Variants in SOX30 observed in about 807,000 individuals in gnomAD.
SOX30 encodes transcription factor SOX-30.
SOX30 carries 17 observed loss-of-function variants against 58.6 expected under a neutral mutation model. The observed-to-expected ratio is 0.29, with a 90% CI of 0.20 to 0.44. The LOEUF (loss-of-function observed/expected upper bound fraction) is 0.44, where lower values mean the gene tolerates loss of function less well. SOX30 is among the 20% of genes least tolerant of loss of function. The pLI is 1.00. For synonymous variants in SOX30, 421 were observed against 400.2 expected, an observed-to-expected ratio of 1.05 and a Z score of -0.62; for missense variants, 951 against 965.8, an observed-to-expected ratio of 0.98 and a Z score of 0.20.
intron 4 of SOX30, among the ~76,000 whole-genome samples, chr5:157,628,127 C>T (rs552717548): frequency 1.3e-5 from 2 of 151,870 alleles, no homozygotes; most frequent in East Asian, 3.9e-4. Context: ...CCAGCCTGGG[C>T]AATATAGTGA....
rs1409099272 is a variant in SOX30 at position 157,626,503 on chromosome 5, T to C, written c.2099A>G (p.His700Arg). The change falls in exon 5 of 5, where the codon CAT (histidine) becomes CGT (arginine). Residue 700 changes from histidine to arginine, a missense_variant. Transcript: ENST00000265007. ...TAAGTTTTCTTCCCCACTGTGGCTA[T>C]GACTGTTATAGTAAGAAGTTCCATT... Reference protein sequence around the residue: ...NMNGTSYYNSHSHSGEENLNP... With the variant: ...NMNGTSYYNSRSHSGEENLNP... The C allele has an allele frequency of 1.9e-6, 3 of 1,614,252 alleles. No individual in the cohort carries two copies. The highest frequency in any genetic ancestry group is 1.3e-5 in the African/African-American group (1 of 75,064).
At position 157,651,933 on chromosome 5, in the gene SOX30, G is replaced by T. The variant is rs748881474; in HGVS notation, c.146C>A (p.Ala49Glu). The change falls in exon 1 of 5, where the codon GCG (alanine) becomes GAG (glutamate). Residue 49 changes from alanine (A) to glutamate (E), a missense_variant. Ala to Glu is a moderately radical substitution (Grantham distance 107, BLOSUM62 -1). Coordinates refer to ENST00000265007, the MANE Select transcript of SOX30 (RefSeq NM_178424.2). ...SSPTLSAAASATLASSCGEAV... is the reference protein window; with the variant it reads ...SSPTLSAAASETLASSCGEAV... ...CTCCCCGCACGACGAGGCCAAGGTC[G>T]CACTGGCTGCCGCGCTCAGTGTGGG... 1 of 1,498,124 alleles carries T rather than the reference G, an allele frequency of 6.7e-7. No homozygotes were observed. Among genetic ancestry groups the T allele is most frequent in the Non-Finnish European group, 8.9e-7 (1 of 1,128,466 alleles). 92.8% of individuals were successfully genotyped at this position (1,498,124 alleles called of 1,614,324 possible). A position where few individuals can be genotyped will look rare whatever the true frequency, so the allele number is the denominator to read the frequency against.
rs1290147366 is a variant in SOX30, at chr5:157,651,464, T to C, written c.615A>G (p.Ala205=). 2.3e-5 allele frequency: 37 copies of C among 1,613,376 alleles called. No homozygotes were observed. Among genetic ancestry groups the C allele is most frequent in the Non-Finnish European group, 3.0e-5 (35 of 1,180,020 alleles). Reference sequence around the variant, plus strand: ...TTTTGATCACACCTTCTCGGATGGCTGCCGGGCTTTTGCCTGCCCCGCCTT... The same window carrying C: ...TTTTGATCACACCTTCTCGGATGGCCGCCGGGCTTTTGCCTGCCCCGCCTT... ...SMQGGAGKSP[A]AIREGVIKTE... is the part of the protein sequence containing the mutation. The change falls in exon 1 of 5, where the codon GCA becomes GCG. Residue 205 remains alanine, a synonymous_variant. Coordinates refer to ENST00000265007, the MANE Select transcript of SOX30 (RefSeq NM_178424.2).
exon 1 of SOX30, chr5:157,671,425 C>A (rs1759785278): frequency 3.4e-6 from 2 of 589,078 alleles, no homozygotes; most frequent in Non-Finnish European, 3.1e-6. Context: ...CGTCCGTGGC[C>A]GCCGGACTCT....
At chr5:157,627,278 G>T (rs1311021673) in intron 4 of SOX30, among the ~76,000 whole-genome samples, 1 of 152,080 alleles carries the variant, frequency 6.6e-6, no homozygotes, top group Non-Finnish European at 1.5e-5. Flanking sequence ...CAGGAGGATC[G>T]CTTGAACCCA....
rs553517558 is a variant in SOX30 at position 157,643,502 on chromosome 5, G to A, written c.1387+3135C>T. On this transcript the variant is annotated intron_variant, in intron 3 of 4. Coordinates refer to ENST00000265007, the MANE Select transcript of SOX30 (RefSeq NM_178424.2). ...ACTGAGAAAATTTTAGACAAAGTAG[G>A]TACAAATGGCTTCTGCCAGAGATTT... is the stretch of plus-strand genomic sequence containing the variant. Among the ~76,000 whole-genome samples the A allele has an allele frequency of 2.6e-4, 40 of 152,056 alleles. No homozygotes were observed. The South Asian group carries it at 6.7e-3, about 25-fold the overall frequency.
intron 4 of SOX30, among the ~76,000 whole-genome samples, chr5:157,637,856 G>C (rs1315852355): frequency 6.6e-6 from 1 of 152,056 alleles, no homozygotes; most frequent in South Asian, 2.1e-4. Context: ...ACCACGCCTG[G>C]CTAATTTTTG....
chr5:157,633,947 T>C (rs1456920413), intron 4 of SOX30, among the ~76,000 whole-genome samples: 1 of 152,162 alleles, frequency 6.6e-6, no homozygotes, highest in Non-Finnish European at 1.5e-5. Context: ...AAGCCCAATA[T>C]ACTGCAAGAA....
chr5:157,628,730 C>T (rs1383353818), intron 4 of SOX30, among the ~76,000 whole-genome samples: 3 of 151,730 alleles, frequency 2.0e-5, no homozygotes, highest in Non-Finnish European at 4.4e-5. Flanking sequence ...CAACCTCCGC[C>T]TCCCAGGTTC....
At chr5:157,668,509 A>AATCCATCCATCCATCCACTC (rs1201421612) in intron 1 of SOX30, among the ~76,000 whole-genome samples, 137 of 151,956 alleles carry the variant, frequency 9.0e-4, no homozygotes, top group African/African-American at 3.0e-3. Flanking sequence ...TTCACTCACC[A>AATCCATCCATCCATCCACTC]ATCCATCCAT....
upstream of SOX30, among the ~76,000 whole-genome samples, chr5:157,657,438 T>C (rs1375174392): frequency 2.0e-5 from 3 of 152,210 alleles, no homozygotes; most frequent in Non-Finnish European, 4.4e-5. Flanking sequence ...TGTAGAACTC[T>C]AACAGGTGTT....
chr5:157,665,641 C>T (rs888426664), intron 2 of SOX30, among the ~76,000 whole-genome samples: 2 of 146,828 alleles, frequency 1.4e-5, no homozygotes, highest in Non-Finnish European at 3.0e-5. Flanking sequence ...TTTAAATATA[C>T]ATTTATTTTA....
intron 4 of SOX30, among the ~76,000 whole-genome samples, chr5:157,636,295 A>G (rs1446281531): frequency 1.3e-5 from 2 of 152,192 alleles, no homozygotes; most frequent in Non-Finnish European, 2.9e-5. Context: ...TATAGGCCTC[A>G]AGATTCTAAC....
At chr5:157,628,373 A>ACACT (rs1758711438) in intron 4 of SOX30, among the ~76,000 whole-genome samples, 1 of 109,258 alleles carries the variant, frequency 9.2e-6, no homozygotes, top group Non-Finnish European at 1.9e-5. Flanking sequence ...CTTCACACAC[A>ACACT]CACACACACA....
intron 2 of SOX30, among the ~76,000 whole-genome samples, chr5:157,660,573 G>A (rs533138218): frequency 6.6e-6 from 1 of 151,956 alleles, no homozygotes; most frequent in Non-Finnish European, 1.5e-5. Flanking sequence ...TTGGTTTACA[G>A]TATCTCTTTT....
chr5:157,669,081 C>G (rs149948136), intron 1 of SOX30, among the ~76,000 whole-genome samples: 164 of 152,276 alleles, frequency 1.1e-3, no homozygotes, highest in African/African-American at 3.8e-3. Context: ...GGCTGCTAGA[C>G]TAGGGCAGAT....
In SOX30 at chr5:157,626,249, C is replaced by G; in HGVS notation, c.*91G>C. The G allele has an allele frequency of 8.1e-7, 1 of 1,229,514 alleles. No homozygotes were observed. Among genetic ancestry groups the G allele is most frequent in the Non-Finnish European group, 1.1e-6 (1 of 912,102 alleles). The allele number at this position is 1,229,514 out of a possible 1,614,324, so 76.2% of individuals were successfully genotyped here. On this transcript the variant is annotated 3_prime_UTR_variant, in exon 5 of 5. Coordinates refer to ENST00000265007, the MANE Select transcript of SOX30 (RefSeq NM_178424.2). ...TCAAATCACGACTGAAAACTTTCAACAAAGAATTCTAGGCTTTTTTTTTTC... is the reference window on the plus strand; with the variant it reads ...TCAAATCACGACTGAAAACTTTCAAGAAAGAATTCTAGGCTTTTTTTTTTC...
Position 157,646,878 on chromosome 5 carries a change from C to T in SOX30, c.1208-62G>A. The T allele has an allele frequency of 3.2e-6, 4 of 1,259,824 alleles. No homozygotes were observed. In the East Asian group the frequency reaches 7.0e-5, roughly 22 times the overall value. The allele number at this position is 1,259,824 out of a possible 1,614,324, so 78.0% of individuals were successfully genotyped here. ...CATTTAGCCTTTAAATAATTTTTTT[C>T]ATACTAAAATGCAAAGCACTTTAAA... On this transcript the variant is annotated intron_variant, in intron 2 of 4. Transcript: ENST00000265007.
chr5:157,647,352 G>A (rs891087679), intron 2 of SOX30, among the ~76,000 whole-genome samples: 18 of 152,046 alleles, frequency 1.2e-4, no homozygotes, highest in Non-Finnish European at 2.1e-4. Context: ...GAGCCACTGC[G>A]CCTGGCCAAG....
Sources: allele counts gnomAD v4.1 joint callset (sites outside exome capture counted in the v4.1 genomes callset), GRCh38; gene constraint gnomAD v4.1.1; transcripts MANE v1.5; gene names NCBI Gene and HGNC (gene_info 2026-07-23, HGNC 2026-07-21).